The following MEIOC variants were observed in gnomAD, a reference collection of about 807,000 sequenced individuals.
MEIOC encodes the protein meiosis specific with coiled-coil domain.
MEIOC carries 9 observed loss-of-function variants against 85.3 expected under a neutral mutation model. The observed-to-expected ratio is 0.11, with a 90% CI of 0.06 to 0.18. MEIOC has a LOEUF of 0.18. MEIOC is among the 10% of genes least tolerant of loss of function. The pLI is 1.00. For missense variants in MEIOC, 898 were observed against 1,129.4 expected, an observed-to-expected ratio of 0.80 and a Z score of 2.94; for synonymous variants, 365 against 393.7, an observed-to-expected ratio of 0.93 and a Z score of 0.86.
At chr17:44,676,887 C>G, downstream of MEIOC, 1 of 912,008 alleles carries the variant, frequency 1.1e-6, no homozygotes, top group African/African-American at 1.8e-5. Context: ...TTTATTAGCA[C>G]CTGAGTCAAG....
intron 3 of MEIOC, chr17:44,665,147 C>T (rs1971887789): frequency 4.7e-6 from 5 of 1,054,638 alleles, no homozygotes; most frequent in Non-Finnish European, 5.7e-6. Context: ...GGTAAGCATG[C>T]ACTGTAAGTT....
At position 44,667,473 on chromosome 17, in the gene MEIOC, C is replaced by T; in HGVS notation, c.1562C>T (p.Ser521Leu). 6.2e-7 allele frequency: 1 copy of T among 1,613,774 alleles called. No homozygotes were observed. The highest frequency in any genetic ancestry group is 8.5e-7 in the Non-Finnish European group (1 of 1,179,790). The change falls in exon 5 of 8, where the codon TCA (serine) becomes TTA (leucine). Residue 521 changes from serine (S) to leucine (L), a missense_variant. Around this residue, in one of 2 missense-constraint regions of MEIOC, gnomAD observed 734 missense variants for 860.1 expected, o/e 0.85. Transcript: ENST00000409122. ...CATTCTTCAGATTTCCCCCAACTAT[C>T]ATCCACAAACTTAACCCCAAATAGC... ...SNHSSDFPQL[S>L]STNLTPNSNL...
In MEIOC at chr17:44,657,234, T is replaced by C; in HGVS notation, c.177T>C (p.Ala59=). The change falls in exon 2 of 8, where the codon GCT becomes GCC. Residue 59 remains alanine (A), a synonymous_variant. Transcript: ENST00000409122. ...GCAGCGTGATGTTGACTGGCTCCGC[T>C]TCCTTCTACGATTGCTACACATCGC... ...VFGSVMLTGS[A]SFYDCYTSQS... is the part of the protein sequence containing the mutation. The C allele has an allele frequency of 6.4e-7, 1 of 1,552,090 alleles. No homozygotes were observed. The highest frequency in any genetic ancestry group is 1.2e-5 in the South Asian group (1 of 84,058).
At chr17:44,658,554 G>A (rs1202227894) in intron 2 of MEIOC, among the ~76,000 whole-genome samples, 12 of 151,742 alleles carry the variant, frequency 7.9e-5, no homozygotes, top group Non-Finnish European at 8.8e-5. Flanking sequence ...CAGCACTCTG[G>A]GGGGCTGAGG....
chr17:44,667,692 C>T lies in MEIOC; in HGVS notation c.1781C>T (p.Ala594Val). ...QPNGFCDNYS[A>V]QKYGIIENVN... ...AATGGATTTTGTGATAACTATTCAG[C>T]TCAGAAGTATGGGATAATTGAAAAT... Residue 594 changes from alanine to valine, a missense_variant, in exon 5 of 8, where the codon GCT (alanine) becomes GTT (valine). Ala to Val is a moderately conservative substitution (Grantham distance 64). Transcript: ENST00000409122. 6.2e-7 allele frequency: 1 copy of T among 1,613,344 alleles called. No individual in the cohort carries two copies. Among genetic ancestry groups the T allele is most frequent in the Non-Finnish European group, 8.5e-7 (1 of 1,179,622 alleles).
intron 4 of MEIOC, 141 bp downstream of exon 4, chr17:44,665,629 C>G (rs1971893232): frequency 5.1e-6 from 2 of 391,028 alleles, no homozygotes; most frequent in Non-Finnish European, 4.5e-6. Flanking sequence ...TTCAAGGAGA[C>G]TTGATTTTGC....
intron 3 of MEIOC, 30 bp from the exon 4 acceptor site, chr17:44,665,354 G>A (rs1409268542): frequency 2.1e-6 from 3 of 1,401,186 alleles, no homozygotes; most frequent in South Asian, 2.9e-5. Context: ...TCAATATATT[G>A]TATTTCAGCA....
rs533566873 is a variant in MEIOC at position 44,671,442 on chromosome 17, C to G, written c.2458-1924C>G. ...GCATGTGCCTATAGTCCCAGCTACT[C>G]GGAAGGCTTAGGTGGGAGGATCACT... On this transcript the variant is annotated intron_variant, in intron 6 of 7. Coordinates refer to ENST00000409122, the MANE Select transcript of MEIOC (RefSeq NM_001145080.3). 1.7e-3 allele frequency among the ~76,000 whole-genome samples: 264 copies of G among 151,640 alleles called. 1 individual carries two copies. The highest frequency in any genetic ancestry group is 3.4e-3 in the Middle Eastern group (1 of 294).
chr17:44,665,990 A>C (rs1294684158), intron 4 of MEIOC, among the ~76,000 whole-genome samples: 1 of 152,200 alleles, frequency 6.6e-6, no homozygotes, highest in Non-Finnish European at 1.5e-5. Flanking sequence ...CACAAAGTTT[A>C]AGCAAAACAC....
At chr17:44,672,885 A>G (rs1972031826) in intron 6 of MEIOC, among the ~76,000 whole-genome samples, 1 of 152,204 alleles carries the variant, frequency 6.6e-6, no homozygotes, top group Non-Finnish European at 1.5e-5. Context: ...ACTAGTCAGT[A>G]TTACTATCTG....
At position 44,674,202 on chromosome 17, in the gene MEIOC, T is replaced by C. The variant is rs915100573; in HGVS notation, c.*6T>C. 3.2e-6 allele frequency: 5 copies of C among 1,540,564 alleles called. No individual in the cohort carries two copies. The African/African-American group carries it at 6.9e-5, about 21-fold the overall frequency. ...GTGAAACAAACAAACATTAAGGAAA[T>C]GCCAGCAGAAAGAAGAATAAAAAGC... On this transcript the variant is annotated 3_prime_UTR_variant, in exon 8 of 8. Transcript: ENST00000409122.
At chr17:44,657,477 G>A (rs1410062514) in intron 2 of MEIOC, among the ~76,000 whole-genome samples, 1 of 150,106 alleles carries the variant, frequency 6.7e-6, no homozygotes, top group South Asian at 2.1e-4. Context: ...TCCGCCAGCC[G>A]GGCTCAGGCG....
rs895538174 is a variant in MEIOC, at chr17:44,675,222, G to C, written c.*1026G>C. On this transcript the variant is annotated 3_prime_UTR_variant, in exon 8 of 8. Coordinates refer to ENST00000409122, the MANE Select transcript of MEIOC (RefSeq NM_001145080.3). ...AACTAGTTTAGCTTGCAATTGGTTA[G>C]CCTATATTTTGCGTAGTTGTGTTCA... is the stretch of plus-strand genomic sequence containing the variant. 3 of 984,990 alleles carry C rather than the reference G, an allele frequency of 3.0e-6. No homozygotes were observed. The African/African-American group carries it at 5.2e-5, about 17-fold the overall frequency. The allele number at this position is 984,990 out of a possible 1,614,324, so 61.0% of individuals were successfully genotyped here.
At chr17:44,662,961 A>G (rs1421966612) in intron 3 of MEIOC, among the ~76,000 whole-genome samples, 2 of 152,200 alleles carry the variant, frequency 1.3e-5, no homozygotes, top group Non-Finnish European at 2.9e-5. Flanking sequence ...GCCTCTGCCC[A>G]GCTAGGTTAT....
At position 44,675,334 on chromosome 17, in the gene MEIOC, G is replaced by A. The variant is rs543143715; in HGVS notation, c.*1138G>A. The A allele has an allele frequency of 2.0e-5, 19 of 970,872 alleles. No homozygotes were observed. In the East Asian group the frequency reaches 1.6e-3, roughly 82 times the overall value. The allele number at this position is 970,872 out of a possible 1,614,324, so 60.1% of individuals were successfully genotyped here. On this transcript the variant is annotated 3_prime_UTR_variant, in exon 8 of 8. Coordinates refer to ENST00000409122, the MANE Select transcript of MEIOC (RefSeq NM_001145080.3). ...CTTAGTATCTTTGTATAGAACTTGA[G>A]TAATTTATTCGTTAATATGAAATGT... is the stretch of plus-strand genomic sequence containing the variant.
At position 44,666,823 on chromosome 17, in the gene MEIOC, A is replaced by G. The variant is rs1008714455; in HGVS notation, c.912A>G (p.Leu304=). The G allele has an allele frequency of 6.2e-7, 1 of 1,613,126 alleles. No individual in the cohort carries two copies. The highest frequency in any genetic ancestry group is 8.5e-7 in the Non-Finnish European group (1 of 1,179,502). Residue 304 remains leucine (L), a synonymous_variant, in exon 5 of 8, where the codon CTA becomes CTG. Coordinates refer to ENST00000409122, the MANE Select transcript of MEIOC (RefSeq NM_001145080.3). ...RICTKGLEAP[L]QQKRAEMFLS... Reference sequence around the variant, plus strand: ...GTACTAAAGGTCTTGAAGCACCACTACAGCAAAAAAGGGCAGAGATGTTTC... The same window carrying G: ...GTACTAAAGGTCTTGAAGCACCACTGCAGCAAAAAAGGGCAGAGATGTTTC...
At position 44,673,847 on chromosome 17, in the gene MEIOC, T is replaced by C. The variant is rs918945056; in HGVS notation, c.2639-129T>C. The C allele has an allele frequency of 5.2e-6, 6 of 1,143,148 alleles. No individual in the cohort carries two copies. In the East Asian group the frequency reaches 1.5e-4, roughly 29 times the overall value. The allele number at this position is 1,143,148 out of a possible 1,614,324, so 70.8% of individuals were successfully genotyped here. ...GATAAAGGACAGGACTTTGGTTCAATCAATAACTATCCTTTTTTTACAAAA... is the reference window on the plus strand; with the variant it reads ...GATAAAGGACAGGACTTTGGTTCAACCAATAACTATCCTTTTTTTACAAAA... On this transcript the variant is annotated intron_variant, in intron 7 of 7. Coordinates refer to ENST00000409122, the MANE Select transcript of MEIOC (RefSeq NM_001145080.3).
At chr17:44,670,502 A>C (rs1971988026) in intron 6 of MEIOC, 1 of 136,048 alleles carries the variant, frequency 7.4e-6, no homozygotes, top group African/African-American at 2.6e-5. Flanking sequence ...CTGTGCTTAC[A>C]TAAGATGGTA....
intron 2 of MEIOC, among the ~76,000 whole-genome samples, chr17:44,657,642 C>T (rs909247273): frequency 2.0e-5 from 3 of 151,824 alleles, no homozygotes; most frequent in Admixed American, 6.6e-5. Flanking sequence ...CAACCTCTGC[C>T]TCCGGGGCTC....
Sources: gnomAD v4.1 joint callset for allele counts (sites outside exome capture counted in the v4.1 genomes callset) on GRCh38, gnomAD v4.1.1 for gene constraint, gnomAD v4.1.1 regional missense constraint, MANE v1.5 for transcripts, NCBI Gene and HGNC (gene_info 2026-07-23, HGNC 2026-07-21) for gene names.